Variants in FOXP1 observed in about 807,000 individuals in gnomAD.
FOXP1 encodes forkhead box protein P1.
Under a neutral mutation model 98.2 loss-of-function variants are expected in FOXP1, and 15 were observed. The ratio of observed to expected loss-of-function variants is 0.15; its 90% confidence interval spans 0.10 to 0.24. FOXP1 has a LOEUF of 0.24. FOXP1 is among the 10% of genes least tolerant of loss of function. FOXP1 has a pLI of 1.00. For synonymous variants in FOXP1, 371 were observed against 314.5 expected (o/e 1.18, Z -1.90); for missense variants, 633 against 848.5 (o/e 0.75, Z 3.15).
chr3:71,345,897 A>AAAAAAAAAAAAAAAAAT (rs2077322701), intron 4 of FOXP1, among the ~76,000 whole-genome samples: 1 of 139,042 alleles, frequency 7.2e-6, no homozygotes, highest in Non-Finnish European at 1.6e-5. Context: ...AAAAAAAAAA[A>AAAAAAAAAAAAAAAAAT]AGAGGAGTGA....
chr3:71,459,997 G>C (rs979653915), intron 3 of FOXP1, among the ~76,000 whole-genome samples: 1 of 148,814 alleles, frequency 6.7e-6, no homozygotes, highest in Non-Finnish European at 1.5e-5. Flanking sequence ...GCAGTGGCGC[G>C]ATCTCGGCTC....
intron 3 of FOXP1, among the ~76,000 whole-genome samples, chr3:71,378,033 A>T (rs1380006404): frequency 1.3e-5 from 2 of 151,908 alleles, no homozygotes; most frequent in African/African-American, 4.8e-5. Context: ...AATTTTGTCA[A>T]GAAATAACTC....
intron 3 of FOXP1, among the ~76,000 whole-genome samples, chr3:71,418,114 T>C (rs1430292147): frequency 7.7e-6 from 1 of 129,774 alleles, no homozygotes; most frequent in Non-Finnish European, 1.7e-5. Flanking sequence ...TGTGTGCTTG[T>C]GGGTGTGTGT....
At chr3:71,053,289 A>G (rs2050159734) in intron 8 of FOXP1, among the ~76,000 whole-genome samples, 1 of 152,202 alleles carries the variant, frequency 6.6e-6, no homozygotes, top group South Asian at 2.1e-4. Flanking sequence ...GAGCTGTCAT[A>G]TTTAAACCAC....
intron 2 of FOXP1, among the ~76,000 whole-genome samples, chr3:71,523,936 C>T (rs940232091): frequency 2.6e-5 from 4 of 152,156 alleles, no homozygotes; most frequent in Non-Finnish European, 2.9e-5. Flanking sequence ...TTACTTGACT[C>T]ATCACGGAGA....
intron 3 of FOXP1, among the ~76,000 whole-genome samples, chr3:71,401,829 A>G (rs2081973465): frequency 1.3e-5 from 2 of 152,220 alleles, no homozygotes; most frequent in African/African-American, 4.8e-5. Context: ...AATGGACACA[A>G]CACAAATTTG....
At chr3:71,236,259 A>T (rs927390773) in intron 5 of FOXP1, among the ~76,000 whole-genome samples, 1 of 152,204 alleles carries the variant, frequency 6.6e-6, no homozygotes, top group Non-Finnish European at 1.5e-5. Flanking sequence ...GAAGGGCAGG[A>T]TGTTGAAACA....
At chr3:71,403,597 C>T (rs545593494) in intron 3 of FOXP1, among the ~76,000 whole-genome samples, 17 of 152,298 alleles carry the variant, frequency 1.1e-4, no homozygotes, top group African/African-American at 3.8e-4. Context: ...GCCTGTGATC[C>T]CAATACTTTG....
At chr3:71,253,518 T>C (rs537901488) in intron 5 of FOXP1, among the ~76,000 whole-genome samples, 4 of 152,338 alleles carry the variant, frequency 2.6e-5, no homozygotes, top group African/African-American at 9.6e-5. Context: ...ATCATCAGTA[T>C]TTAATGATAA....
intron 4 of FOXP1, among the ~76,000 whole-genome samples, chr3:71,349,597 T>C (rs1169965568): frequency 6.6e-6 from 1 of 151,838 alleles, no homozygotes; most frequent in Non-Finnish European, 1.5e-5. Context: ...AATCTCACCA[T>C]CTTTAATATC....
rs968727610 is a variant in FOXP1 at position 71,338,559 on chromosome 3, C to G, written c.-73+20591G>C. ...TCTCCTGCCCCAGCCTCCCAAGTAG[C>G]TGGGACTACAGGGGCCCGCCACCAT... On this transcript the variant is annotated intron_variant, in intron 4 of 20. Coordinates refer to ENST00000649528, the MANE Select transcript of FOXP1 (RefSeq NM_001349338.3). Among the ~76,000 whole-genome samples the G allele has an allele frequency of 8.5e-5, 13 of 152,308 alleles. No homozygotes were observed. In the East Asian group the frequency reaches 2.3e-3, roughly 27 times the overall value.
intron 5 of FOXP1, among the ~76,000 whole-genome samples, chr3:71,265,635 G>A (rs762859507): frequency 3.3e-5 from 5 of 152,274 alleles, no homozygotes; most frequent in South Asian, 4.1e-4. Flanking sequence ...CATGCAACAC[G>A]GCGGAAAATG....
intron 7 of FOXP1, among the ~76,000 whole-genome samples, chr3:71,082,629 T>A (rs796793368): frequency 5.9e-4 from 87 of 147,160 alleles, no homozygotes; most frequent in Middle Eastern, 3.5e-3. Context: ...TATAATAAAA[T>A]AAAAAAAAAA....
At chr3:71,085,320 A>T (rs1374563530) in intron 7 of FOXP1, among the ~76,000 whole-genome samples, 1 of 151,936 alleles carries the variant, frequency 6.6e-6, no homozygotes, top group African/African-American at 2.4e-5. Context: ...TTTAAAAAAA[A>T]ATTTTTTTTT....
chr3:70,960,600 G>C (rs374681717), intron 20 of FOXP1, among the ~76,000 whole-genome samples: 1 of 152,170 alleles, frequency 6.6e-6, no homozygotes, highest in Non-Finnish European at 1.5e-5. Context: ...GGCTGCAGAA[G>C]GGAAGATTTT....
At chr3:71,577,199 C>T (rs2047789332) in intron 2 of FOXP1, among the ~76,000 whole-genome samples, 1 of 152,168 alleles carries the variant, frequency 6.6e-6, no homozygotes. Flanking sequence ...ACAAAGAACA[C>T]TGTCTAATTG....
At chr3:71,194,129 T>C (rs1185966552) in intron 6 of FOXP1, among the ~76,000 whole-genome samples, 2 of 152,130 alleles carry the variant, frequency 1.3e-5, no homozygotes, top group African/African-American at 2.4e-5. Flanking sequence ...ATATGGCATA[T>C]CTTAAAAGTT....
At chr3:70,974,701 A>G (rs555810828) in intron 17 of FOXP1, among the ~76,000 whole-genome samples, 56 of 152,346 alleles carry the variant, frequency 3.7e-4, no homozygotes, top group Non-Finnish European at 6.6e-4. Flanking sequence ...AATTTCCTTT[A>G]AAAATCCAGA....
chr3:71,114,204 G>A (rs2058180545), intron 6 of FOXP1, among the ~76,000 whole-genome samples: 1 of 152,108 alleles, frequency 6.6e-6, no homozygotes, highest in South Asian at 2.1e-4. Flanking sequence ...TCCTTAAAAA[G>A]GAACAGGTGC....
Sources: allele counts gnomAD v4.1 joint callset (sites outside exome capture counted in the v4.1 genomes callset), GRCh38; gene constraint gnomAD v4.1.1; transcripts MANE v1.5; gene names NCBI Gene and HGNC (gene_info 2026-07-23, HGNC 2026-07-21).